FMN1: variants seen among roughly 807,000 people sequenced by gnomAD.
FMN1 encodes formin-1.
Under a neutral mutation model 132.4 loss-of-function variants are expected in FMN1, and 110 were observed. That is an observed-to-expected ratio of 0.83 (90% confidence interval 0.71 to 0.97). FMN1 has a LOEUF of 0.97. FMN1 is among the 50% of genes least tolerant of loss of function. FMN1 has a pLI of 0.00. For synonymous variants in FMN1, 722 were observed against 651.7 expected, an observed-to-expected ratio of 1.11 and a Z score of -1.64; for missense variants, 1,792 against 1,705.3, an observed-to-expected ratio of 1.05 and a Z score of -0.90.
chr15:33,062,148 G>A (rs1684020078), intron 6 of FMN1, among the ~76,000 whole-genome samples: 1 of 152,004 alleles, frequency 6.6e-6, no homozygotes, highest in Non-Finnish European at 1.5e-5. Context: ...AAACAACTAT[G>A]GCAATATGGT....
Position 33,124,324 on chromosome 15 carries a change from C to T in FMN1, c.1867+28724G>A, listed in dbSNP as rs181327871. Among the ~76,000 whole-genome samples, 15 of 152,314 alleles carry T rather than the reference C, an allele frequency of 9.8e-5. No individual in the cohort carries two copies. In the East Asian group the frequency reaches 2.3e-3, roughly 23 times the overall value. On this transcript the variant is annotated intron_variant, in intron 4 of 20. Coordinates refer to ENST00000616417, the MANE Select transcript of FMN1 (RefSeq NM_001277313.2). Reference sequence around the variant, plus strand: ...AAAAGTGAGAAGGGGGTCTGGTCAGCGTCTTGCTGTGCTGTTATAGCCTCT... The same window carrying T: ...AAAAGTGAGAAGGGGGTCTGGTCAGTGTCTTGCTGTGCTGTTATAGCCTCT...
At chr15:32,807,810 A>C (rs1296673787) in intron 17 of FMN1, among the ~76,000 whole-genome samples, 1 of 152,236 alleles carries the variant, frequency 6.6e-6, no homozygotes, top group African/African-American at 2.4e-5. Flanking sequence ...GCCTTCAGGA[A>C]AATGAGAAGA....
intron 9 of FMN1, among the ~76,000 whole-genome samples, chr15:32,927,158 A>G (rs2060982294): frequency 6.6e-6 from 1 of 152,206 alleles, no homozygotes; most frequent in Admixed American, 6.5e-5. Context: ...TTCTTGACAT[A>G]TATTTATTTA....
intron 12 of FMN1, 107 bp from the exon 13 acceptor site, chr15:32,902,147 A>AAC: frequency 1.1e-6 from 1 of 922,918 alleles, no homozygotes; most frequent in Non-Finnish European, 1.6e-6. Context: ...TAACAATCTC[A>AAC]ACAATTATAA....
chr15:32,931,929 AAAAC>A (rs1182405869), intron 9 of FMN1, among the ~76,000 whole-genome samples: 1 of 152,196 alleles, frequency 6.6e-6, no homozygotes, highest in East Asian at 1.9e-4. Flanking sequence ...TTTTTATCAG[AAAAC>A]AGTGTTGAGT....
chr15:32,826,397 G>A (rs1170585198), intron 17 of FMN1, among the ~76,000 whole-genome samples: 3 of 152,172 alleles, frequency 2.0e-5, no homozygotes, highest in African/African-American at 4.8e-5. Flanking sequence ...GGGGAAAAAC[G>A]CTGCCCTGAG....
intron 19 of FMN1, among the ~76,000 whole-genome samples, chr15:32,793,845 A>C (rs1046948194): frequency 3.3e-5 from 5 of 152,220 alleles, no homozygotes; most frequent in African/African-American, 1.2e-4. Flanking sequence ...TCATGTATGT[A>C]TGTCAGTAGG....
intron 7 of FMN1, among the ~76,000 whole-genome samples, chr15:32,979,555 CAAAAAAAAAA>C (rs66993265): frequency 4.0e-4 from 23 of 57,478 alleles, no homozygotes; most frequent in East Asian, 2.1e-3. Flanking sequence ...GACTCTGTCT[CAAAAAAAAAA>C]AAAAAAAAAA....
At chr15:32,853,925 T>C (rs1163751564) in intron 17 of FMN1, among the ~76,000 whole-genome samples, 1 of 152,200 alleles carries the variant, frequency 6.6e-6, no homozygotes, top group African/African-American at 2.4e-5. Flanking sequence ...AGTGTAGGAA[T>C]GAGCTGAGGA....
chr15:33,122,400 G>T (rs999949065), intron 4 of FMN1, among the ~76,000 whole-genome samples: 1 of 152,124 alleles, frequency 6.6e-6, no homozygotes, highest in Non-Finnish European at 1.5e-5. Context: ...CATGCCTGGT[G>T]GGAAAGTAAG....
chr15:33,097,015 C>T (rs917594557), intron 4 of FMN1, among the ~76,000 whole-genome samples: 2 of 151,936 alleles, frequency 1.3e-5, no homozygotes, highest in East Asian at 3.9e-4. Context: ...CATAGGTAGC[C>T]GGGCACAGCG....
intron 4 of FMN1, among the ~76,000 whole-genome samples, chr15:33,144,506 A>G (rs2444978): frequency 0.84 from 127,937 of 151,742 alleles, 54,938 homozygotes; most frequent in South Asian, 0.93. Context: ...GCGTGGTGGC[A>G]GGTGCCTGTA....
intron 5 of FMN1, among the ~76,000 whole-genome samples, chr15:33,072,922 CAA>C (rs200705106): frequency 0.032 from 2,827 of 87,120 alleles, 88 homozygotes; most frequent in African/African-American, 0.11. Flanking sequence ...GACTCCATCT[CAA>C]AAAAAAAAAA....
At chr15:32,973,655 T>TG (rs2031975454) in intron 7 of FMN1, among the ~76,000 whole-genome samples, 1 of 151,972 alleles carries the variant, frequency 6.6e-6, no homozygotes, top group Non-Finnish European at 1.5e-5. Flanking sequence ...GTCTTGGTTG[T>TG]GTTCATGACC....
intron 9 of FMN1, among the ~76,000 whole-genome samples, chr15:32,959,535 C>T (rs1487186847): frequency 6.6e-6 from 1 of 152,114 alleles, no homozygotes; most frequent in African/African-American, 2.4e-5. Flanking sequence ...CTCAGTAGAC[C>T]CAATTTTTTG....
At chr15:32,991,192 C>T (rs937023082) in intron 7 of FMN1, among the ~76,000 whole-genome samples, 1 of 152,136 alleles carries the variant, frequency 6.6e-6, no homozygotes, top group Non-Finnish European at 1.5e-5. Flanking sequence ...TATTTTCTCT[C>T]GGTTTCAGAA....
At chr15:32,868,670 G>A (rs1174165498) in intron 16 of FMN1, among the ~76,000 whole-genome samples, 2 of 152,080 alleles carry the variant, frequency 1.3e-5, no homozygotes, top group African/African-American at 2.4e-5. Flanking sequence ...AGGGGCTGGA[G>A]AAGACACAAG....
intron 5 of FMN1, among the ~76,000 whole-genome samples, chr15:33,080,386 TTC>T (rs1383238602): frequency 2.0e-5 from 3 of 152,236 alleles, no homozygotes; most frequent in African/African-American, 7.2e-5. Flanking sequence ...TATTCTTTTT[TTC>T]TTTTTCTTTG....
chr15:32,791,882 G>T (rs750750511), intron 19 of FMN1, among the ~76,000 whole-genome samples: 11 of 152,138 alleles, frequency 7.2e-5, no homozygotes, highest in Non-Finnish European at 1.5e-4. Context: ...GCAGATGAAG[G>T]CTGGGTATAC....
Sources: gnomAD v4.1 joint callset for allele counts (sites outside exome capture counted in the v4.1 genomes callset) on GRCh38, gnomAD v4.1.1 for gene constraint, MANE v1.5 for transcripts, NCBI Gene and HGNC (gene_info 2026-07-23, HGNC 2026-07-21) for gene names.